DAB1: variants seen among roughly 807,000 people sequenced by gnomAD.
The protein encoded by DAB1 is disabled homolog 1.
A neutral mutation model predicts 64.6 loss-of-function variants in DAB1; 15 were observed. The observed-to-expected ratio is 0.23, with a 90% CI of 0.16 to 0.36. The LOEUF is 0.36. DAB1 is among the 10% of genes least tolerant of loss of function. DAB1 has a pLI of 1.00. For synonymous variants in DAB1, 235 were observed against 251.9 expected, an observed-to-expected ratio of 0.93 and a Z score of 0.64; for missense variants, 596 against 706.7, an observed-to-expected ratio of 0.84 and a Z score of 1.78.
intron 1 of DAB1, among the ~76,000 whole-genome samples, chr1:57,415,745 T>C (rs1684446361): frequency 6.6e-6 from 1 of 152,162 alleles, no homozygotes; most frequent in African/African-American, 2.4e-5. Flanking sequence ...CAGAATAACA[T>C]GGCCTGCAAT....
At chr1:57,573,574 G>A (rs17116020) in intron 7 of DAB1, among the ~76,000 whole-genome samples, 1,569 of 152,262 alleles carry the variant, frequency 0.01, 21 homozygotes, top group African/African-American at 0.036. Flanking sequence ...TCTGAGTTTG[G>A]ATATCAGTGG....
At chr1:57,089,108 G>C (rs150370243) in intron 4 of DAB1, among the ~76,000 whole-genome samples, 2 of 152,288 alleles carry the variant, frequency 1.3e-5, no homozygotes, top group African/African-American at 4.8e-5. Flanking sequence ...CCACCTTATA[G>C]AACTGTTATG....
At chr1:57,568,154 T>A (rs1161581212) in intron 7 of DAB1, among the ~76,000 whole-genome samples, 1 of 152,152 alleles carries the variant, frequency 6.6e-6, no homozygotes, top group Non-Finnish European at 1.5e-5. Flanking sequence ...TTGACAAACC[T>A]GACACAAACA....
intron 5 of DAB1, chr1:58,048,627 TA>T: frequency 1.7e-6 from 2 of 1,152,956 alleles, no homozygotes; most frequent in Non-Finnish European, 2.6e-6. Context: ...CCATGACCAC[TA>T]AAGTTTCCTC....
intron 2 of DAB1, among the ~76,000 whole-genome samples, chr1:57,161,270 A>T (rs1311037316): frequency 1.3e-5 from 2 of 152,136 alleles, no homozygotes; most frequent in Admixed American, 6.5e-5. Flanking sequence ...AGATAATGTA[A>T]ACTAATACTG....
At chr1:57,744,761 G>A (rs3118046) in intron 6 of DAB1, among the ~76,000 whole-genome samples, 15,211 of 152,142 alleles carry the variant, frequency 0.1, 2,237 homozygotes, top group African/African-American at 0.32. Flanking sequence ...TGTGAGGCGT[G>A]TTCTCCATTT....
At chr1:57,496,212 C>T (rs1164911089) in intron 7 of DAB1, among the ~76,000 whole-genome samples, 1 of 152,132 alleles carries the variant, frequency 6.6e-6, no homozygotes, top group Non-Finnish European at 1.5e-5. Context: ...TTTCAAAGAG[C>T]TCCTTACCTC....
intron 6 of DAB1, among the ~76,000 whole-genome samples, chr1:57,758,401 G>A (rs564566932): frequency 6.6e-6 from 1 of 152,166 alleles, no homozygotes; most frequent in African/African-American, 2.4e-5. Context: ...CCTAACTTGG[G>A]GAAAAGAAGT....
intron 6 of DAB1, among the ~76,000 whole-genome samples, chr1:57,774,553 G>C (rs1237044542): frequency 6.6e-6 from 1 of 151,786 alleles, no homozygotes; most frequent in Non-Finnish European, 1.5e-5. Flanking sequence ...TTTCATAGAT[G>C]CCCTTTATTA....
intron 1 of DAB1, among the ~76,000 whole-genome samples, chr1:58,533,174 A>C (rs1186782740): frequency 1.3e-5 from 2 of 152,240 alleles, no homozygotes; most frequent in African/African-American, 2.4e-5. Context: ...GACTTATATC[A>C]AGATGAACAG....
At chr1:57,073,905 C>T (rs991906767) in intron 4 of DAB1, among the ~76,000 whole-genome samples, 3 of 152,204 alleles carry the variant, frequency 2.0e-5, no homozygotes, top group African/African-American at 4.8e-5. Context: ...GAGACAGGGT[C>T]TCACCCTGTC....
chr1:58,175,238 C>T (rs1048919223), intron 4 of DAB1, among the ~76,000 whole-genome samples: 6 of 152,188 alleles, frequency 3.9e-5, no homozygotes, highest in African/African-American at 1.2e-4. Flanking sequence ...TAAACAACTC[C>T]GGATGCACCA....
chr1:57,072,535 A>C, intron 4 of DAB1, 121 bp from the exon 5 acceptor site: 1 of 1,010,272 alleles, frequency 9.9e-7, no homozygotes, highest in Non-Finnish European at 1.4e-6. Flanking sequence ...AAAGCTGTTT[A>C]GTCCAGATGG....
chr1:58,167,188 G>A (rs1032933138), intron 4 of DAB1, among the ~76,000 whole-genome samples: 2 of 152,228 alleles, frequency 1.3e-5, no homozygotes, highest in African/African-American at 4.8e-5. Context: ...GGGCTTCTGG[G>A]TCAGGTGGGG....
intron 1 of DAB1, among the ~76,000 whole-genome samples, chr1:57,296,543 C>T (rs1169344046): frequency 6.6e-6 from 1 of 151,774 alleles, no homozygotes; most frequent in African/African-American, 2.4e-5. Context: ...AAATTAAGTG[C>T]TCAAAACAAA....
At chr1:58,099,805 A>G (rs1056194582) in intron 5 of DAB1, among the ~76,000 whole-genome samples, 25 of 152,328 alleles carry the variant, frequency 1.6e-4, no homozygotes, top group Admixed American at 1.0e-3. Flanking sequence ...GTGCAAGGTC[A>G]CCCAGAAAAT....
chr1:58,275,445 T>G (rs926391691), intron 4 of DAB1, among the ~76,000 whole-genome samples: 2 of 152,126 alleles, frequency 1.3e-5, no homozygotes, highest in East Asian at 1.9e-4. Context: ...GAGTTTAATA[T>G]TCAGAATATA....
chr1:57,913,607 A>T (rs1644680950), intron 5 of DAB1, among the ~76,000 whole-genome samples: 1 of 152,232 alleles, frequency 6.6e-6, no homozygotes. Flanking sequence ...ATCTAACTAA[A>T]CTAAAGAGCT....
At chr1:58,491,645 A>G (rs888577975) in intron 3 of DAB1, among the ~76,000 whole-genome samples, 4 of 152,216 alleles carry the variant, frequency 2.6e-5, no homozygotes, top group Non-Finnish European at 2.9e-5. Flanking sequence ...CTTTAAACCA[A>G]CAAAGATCAA....
Sources: gnomAD v4.1 joint callset for allele counts (sites outside exome capture counted in the v4.1 genomes callset) on GRCh38, gnomAD v4.1.1 for gene constraint, MANE v1.5 for transcripts, NCBI Gene and HGNC (gene_info 2026-07-23, HGNC 2026-07-21) for gene names.